The following SPAG16 variants were observed in gnomAD, a reference collection of about 807,000 sequenced individuals.
The protein encoded by SPAG16 is sperm-associated antigen 16 protein.
Under a neutral mutation model 80.4 loss-of-function variants are expected in SPAG16, and 86 were observed. The ratio of observed to expected loss-of-function variants is 1.07; its 90% CI spans 0.90 to 1.28. The LOEUF (loss-of-function observed/expected upper bound fraction) is 1.28. SPAG16 is among the 50% of genes most tolerant of loss of function. The pLI is 0.00. For synonymous variants in SPAG16, 294 were observed against 265.9 expected (o/e 1.11, Z -1.03); for missense variants, 870 against 765.3 (o/e 1.14, Z -1.61).
intron 12 of SPAG16, among the ~76,000 whole-genome samples, chr2:213,986,904 A>C (rs796104801): frequency 3.3e-5 from 5 of 151,176 alleles, no homozygotes; most frequent in African/African-American, 1.2e-4. Context: ...AAAAAAAAAA[A>C]AAAAAAAAAA....
chr2:213,754,312 A>G (rs974608847), intron 10 of SPAG16, among the ~76,000 whole-genome samples: 35 of 152,248 alleles, frequency 2.3e-4, no homozygotes, highest in African/African-American at 8.0e-4. Context: ...ACTCTTGTCA[A>G]TGTGGACAAA....
At chr2:213,305,559 A>G (rs145126810) in intron 3 of SPAG16, among the ~76,000 whole-genome samples, 16 of 152,214 alleles carry the variant, frequency 1.1e-4, no homozygotes, top group East Asian at 5.8e-4. Flanking sequence ...GAGGGTTTCT[A>G]TCATGAAGGG....
chr2:214,396,937 A>C (rs1701423766), intron 15 of SPAG16, among the ~76,000 whole-genome samples: 1 of 151,776 alleles, frequency 6.6e-6, no homozygotes, highest in Admixed American at 6.6e-5. Flanking sequence ...TTTCCTAAAA[A>C]TACTGGGATT....
intron 13 of SPAG16, among the ~76,000 whole-genome samples, chr2:214,088,112 G>A (rs2051906369): frequency 6.6e-6 from 1 of 151,922 alleles, no homozygotes; most frequent in Non-Finnish European, 1.5e-5. Context: ...AACAGCAAAG[G>A]AATCGCTATG....
intron 9 of SPAG16, among the ~76,000 whole-genome samples, chr2:213,480,076 C>T (rs2073668356): frequency 6.6e-6 from 1 of 152,160 alleles, no homozygotes; most frequent in Admixed American, 6.5e-5. Flanking sequence ...TGGAAGCATG[C>T]ATTATCAGAA....
intron 15 of SPAG16, among the ~76,000 whole-genome samples, chr2:214,247,632 A>G (rs1247060328): frequency 6.6e-6 from 1 of 152,202 alleles, no homozygotes; most frequent in Non-Finnish European, 1.5e-5. Flanking sequence ...CAAGGTCAAC[A>G]CACTCTCTGC....
chr2:214,041,974 GTGTGTATATATATA>G (rs1002399903), intron 13 of SPAG16, among the ~76,000 whole-genome samples: 2 of 91,940 alleles, frequency 2.2e-5, no homozygotes, highest in African/African-American at 1.0e-4. Flanking sequence ...GTGTGTCTGT[GTGTGTATATATATA>G]TATATATATA....
At chr2:213,976,181 T>C (rs1465415243) in intron 12 of SPAG16, among the ~76,000 whole-genome samples, 1 of 149,592 alleles carries the variant, frequency 6.7e-6, no homozygotes, top group African/African-American at 2.5e-5. Context: ...TATATACATG[T>C]ATGTGCGTAT....
At chr2:214,288,436 A>G (rs1392684887) in intron 15 of SPAG16, among the ~76,000 whole-genome samples, 1 of 152,182 alleles carries the variant, frequency 6.6e-6, no homozygotes, top group African/African-American at 2.4e-5. Flanking sequence ...TTCTTTGGAT[A>G]AATACCCAGT....
intron 15 of SPAG16, among the ~76,000 whole-genome samples, chr2:214,229,163 A>G (rs1015142137): frequency 6.0e-5 from 9 of 150,776 alleles, no homozygotes; most frequent in African/African-American, 2.2e-4. Context: ...AGGAAAAAAA[A>G]AAAGGATAAT....
chr2:213,631,289 G>A (rs187584722), intron 10 of SPAG16, among the ~76,000 whole-genome samples: 37 of 152,224 alleles, frequency 2.4e-4, no homozygotes, highest in Admixed American at 1.3e-3. Flanking sequence ...ATGTAGTTGT[G>A]AACAGTGTAA....
intron 15 of SPAG16, among the ~76,000 whole-genome samples, chr2:214,212,633 G>C (rs911653090): frequency 6.6e-6 from 1 of 152,092 alleles, no homozygotes; most frequent in Non-Finnish European, 1.5e-5. Context: ...CAGAAGGGCA[G>C]ACTAAAGCCA....
At chr2:213,414,039 G>A (rs1412717170) in intron 9 of SPAG16, among the ~76,000 whole-genome samples, 1 of 152,124 alleles carries the variant, frequency 6.6e-6, no homozygotes, top group Admixed American at 6.5e-5. Flanking sequence ...AGCTAATTGT[G>A]CTTTCCCATT....
chr2:213,625,200 C>T (rs113694894), intron 10 of SPAG16, among the ~76,000 whole-genome samples: 9,294 of 152,098 alleles, frequency 0.061, 926 homozygotes, highest in African/African-American at 0.21. Context: ...GGGTAATTGA[C>T]AAAGAAAAGA....
At chr2:214,145,107 G>A (rs1220799304) in intron 14 of SPAG16, among the ~76,000 whole-genome samples, 3 of 152,028 alleles carry the variant, frequency 2.0e-5, no homozygotes, top group Non-Finnish European at 2.9e-5. Flanking sequence ...TTATAAAATA[G>A]TATTTTAATT....
chr2:213,680,622 G>A lies in SPAG16; in HGVS notation c.1071-181863G>A, dbSNP rs533592825. Among the ~76,000 whole-genome samples the A allele has an allele frequency of 2.6e-5, 4 of 152,086 alleles. No homozygotes were observed. The South Asian group carries it at 6.2e-4, about 24-fold the overall frequency. On this transcript the variant is annotated intron_variant, in intron 10 of 15. Transcript: ENST00000331683. ...TGTAGAGCATCCTTGCAAGTAGGGA[G>A]CTACTTACACTTTCTCTTCCTAATA... is the stretch of plus-strand genomic sequence containing the variant.
intron 10 of SPAG16, among the ~76,000 whole-genome samples, chr2:213,647,474 G>T (rs1033960317): frequency 2.6e-5 from 4 of 152,054 alleles, no homozygotes; most frequent in Admixed American, 6.6e-5. Flanking sequence ...CTCAGGTCCC[G>T]CTGCTGGCAT....
At chr2:213,920,078 A>G (rs1470706553) in intron 11 of SPAG16, among the ~76,000 whole-genome samples, 1 of 151,954 alleles carries the variant, frequency 6.6e-6, no homozygotes, top group Admixed American at 6.6e-5. Context: ...TTTAAAGTCT[A>G]TTTTGTCTAA....
chr2:214,401,334 T>C (rs1203343911), intron 15 of SPAG16, among the ~76,000 whole-genome samples: 4 of 151,986 alleles, frequency 2.6e-5, no homozygotes, highest in Non-Finnish European at 2.9e-5. Flanking sequence ...TCTATATTGA[T>C]TTAGAGAATT....
Sources: gnomAD v4.1 joint callset for allele counts (sites outside exome capture counted in the v4.1 genomes callset) on GRCh38, gnomAD v4.1.1 for gene constraint, MANE v1.5 for transcripts, NCBI Gene and HGNC (gene_info 2026-07-23, HGNC 2026-07-21) for gene names.